The following TNNI2 variants were observed in gnomAD, a reference collection of about 807,000 sequenced individuals.
TNNI2 encodes the protein troponin I, fast skeletal muscle.
A neutral mutation model predicts 26.5 loss-of-function variants in TNNI2; 14 were observed. The ratio of observed to expected loss-of-function variants is 0.53; its 90% CI spans 0.35 to 0.83. TNNI2 has a LOEUF of 0.83. TNNI2 is among the 40% of genes least tolerant of loss of function. The probability of loss-of-function intolerance (pLI) is 0.01; values close to 1 mark genes in which losing one functional copy is unlikely to be tolerated. For synonymous variants in TNNI2, 126 were observed against 97.6 expected (o/e 1.29, Z -1.71); for missense variants, 205 against 248.5 (o/e 0.82, Z 1.18).
In TNNI2 at chr11:1,841,287, C is replaced by T. The variant is rs1847175386; in HGVS notation, c.453+80C>T. The T allele has an allele frequency of 2.5e-6, 4 of 1,578,320 alleles. No individual in the cohort carries two copies. In the Admixed American group the frequency reaches 5.3e-5, roughly 21 times the overall value. ...CACACCTGCCCCGCCTGGGGACCAC[C>T]TCCCACACCTGCCCTGCCGGGGGCC... On this transcript the variant is annotated intron_variant, in intron 7 of 7. Coordinates refer to ENST00000381911, the MANE Select transcript of TNNI2 (RefSeq NM_003282.4).
At position 1,839,859 on chromosome 11, in the gene TNNI2, A is replaced by C; in HGVS notation, c.15+4A>C. ...TCCCTCCCTGGACAGTGAGGAGGTA[A>C]GTAGTTGCTGGGGGCTCAAAACATG... On this transcript the variant is annotated splice_donor_region_variant and intron_variant, in intron 3 of 7. Coordinates refer to ENST00000381911, the MANE Select transcript of TNNI2 (RefSeq NM_003282.4). The C allele has an allele frequency of 6.2e-7, 1 of 1,613,764 alleles. No individual in the cohort carries two copies. The highest frequency in any genetic ancestry group is 8.5e-7 in the Non-Finnish European group (1 of 1,179,848).
At chr11:1,839,632 T>C in intron 1 of TNNI2, 43 bp from the exon 2 acceptor site, 1 of 1,611,054 alleles carries the variant, frequency 6.2e-7, no homozygotes, top group Non-Finnish European at 8.5e-7. Context: ...GGCATCACGG[T>C]GGCAAGGGCC....
Position 1,840,815 on chromosome 11 carries a change from CT to C in TNNI2, c.187-3del, listed in dbSNP as rs752108068. ...CGGCCGCCCGCCCCCACACCCACCC[CT>C]AGGAGCTCTGCAAACAGCTGCACGC... On this transcript the variant is annotated splice_polypyrimidine_tract_variant and splice_region_variant and intron_variant, in intron 5 of 7. Transcript: ENST00000381911. 1.2e-6 allele frequency: 2 copies of C among 1,611,460 alleles called. No individual in the cohort carries two copies. Among genetic ancestry groups the C allele is most frequent in the African/African-American group, 2.7e-5 (2 of 74,852 alleles).
intron 3 of TNNI2, 54 bp from the exon 4 acceptor site, chr11:1,840,349 G>C (rs935201134): frequency 3.8e-6 from 6 of 1,573,846 alleles, no homozygotes; most frequent in Non-Finnish European, 5.2e-6. Flanking sequence ...GAAGGGGGTG[G>C]GGGTGCTCCA....
rs369983436 is a variant in TNNI2 at position 1,840,517 on chromosome 11, C to T, written c.58-11C>T. 3.6e-5 allele frequency: 58 copies of T among 1,611,248 alleles called. 1 individual carries two copies. In the African/African-American group the frequency reaches 7.1e-4, roughly 20 times the overall value. On this transcript the variant is annotated splice_polypyrimidine_tract_variant and intron_variant, in intron 4 of 7. Coordinates refer to ENST00000381911, the MANE Select transcript of TNNI2 (RefSeq NM_003282.4). ...GCTGGCTGCAGCCCCTCACCGCCTG[C>T]CCCACCGCAGAGTGTGATGCTGCAG...
intron 1 of TNNI2, 43 bp from the exon 2 acceptor site, chr11:1,839,621 AGGCATCACGGT>A: frequency 1.2e-6 from 2 of 1,602,512 alleles, no homozygotes; most frequent in Non-Finnish European, 1.7e-6. Context: ...TGATGGGCAC[AGGCATCACGGT>A]GGCAAGGGCC....
At position 1,839,014 on chromosome 11, in the gene TNNI2, C is replaced by T. The variant is rs909000441; in HGVS notation, c.-42C>T. 6.6e-6 allele frequency: 1 copy of T among 152,620 alleles called. No homozygotes were observed. The highest frequency in any genetic ancestry group is 1.5e-5 in the Non-Finnish European group (1 of 68,274). 9.5% of individuals were successfully genotyped at this position (152,620 alleles called of 1,614,324 possible). ...GCTGCCGGCCTGACCTCGCTCCCAG[C>T]CCTGCTGCCCAGATTCTAGGTGAGG... On this transcript the variant is annotated 5_prime_UTR_variant, in exon 1 of 8. Coordinates refer to ENST00000381911, the MANE Select transcript of TNNI2 (RefSeq NM_003282.4).
chr11:1,841,334 G>T, intron 7 of TNNI2, 122 bp from the exon 8 acceptor site: 1 of 1,534,210 alleles, frequency 6.5e-7, no homozygotes, highest in South Asian at 1.1e-5. Flanking sequence ...CCCCTCCAGG[G>T]TGCCATGCAG....
intron 1 of TNNI2, chr11:1,839,377 C>A (rs1395301534): frequency 2.1e-6 from 1 of 480,590 alleles, no homozygotes; most frequent in South Asian, 2.8e-5. Context: ...TTAAAAATAA[C>A]AGCGTCACTC....
At chr11:1,840,795 G>A (rs375437540) in intron 5 of TNNI2, 24 bp from the exon 6 acceptor site, 486 of 1,603,522 alleles carry the variant, frequency 3.0e-4, no homozygotes, top group Non-Finnish European at 3.9e-4. Context: ...CAGGACGGCC[G>A]CCCGCCCCCA....
chr11:1,840,739 A>C, intron 5 of TNNI2, 80 bp from the exon 6 acceptor site: 1 of 1,607,800 alleles, frequency 6.2e-7, no homozygotes, highest in Non-Finnish European at 8.5e-7. Flanking sequence ...CAAGAGGGCC[A>C]GTGGGGTGGT....
At chr11:1,840,311 G>A (rs973375457) in intron 3 of TNNI2, 92 bp from the exon 4 acceptor site, 15 of 1,547,048 alleles carry the variant, frequency 9.7e-6, no homozygotes, top group African/African-American at 6.8e-5. Flanking sequence ...TCCCGGAGCC[G>A]GAGCCCCTGA....
intron 5 of TNNI2, 62 bp downstream of exon 5, chr11:1,840,718 TC>T (rs1847152096): frequency 1.2e-6 from 2 of 1,610,942 alleles, no homozygotes; most frequent in East Asian, 4.5e-5. Flanking sequence ...TAACTCAGTT[TC>T]CCCACTTGTC....
At position 1,840,386 on chromosome 11, in the gene TNNI2, T is replaced by C; in HGVS notation, c.16-17T>C. 1 of 1,606,166 alleles carries C rather than the reference T, an allele frequency of 6.2e-7. No individual in the cohort carries two copies. Among genetic ancestry groups the C allele is most frequent in the Non-Finnish European group, 8.5e-7 (1 of 1,177,356 alleles). On this transcript the variant is annotated splice_polypyrimidine_tract_variant and intron_variant, in intron 3 of 7. Transcript: ENST00000381911. ...GCCTGGAGGCCCTGACTCGACCCCCTGTCCCCTGCCCTGCAGAAGCGGAAC... is the reference window on the plus strand; with the variant it reads ...GCCTGGAGGCCCTGACTCGACCCCCCGTCCCCTGCCCTGCAGAAGCGGAAC...
intron 3 of TNNI2, 86 bp from the exon 4 acceptor site, chr11:1,840,317 C>T: frequency 6.5e-7 from 1 of 1,550,330 alleles, no homozygotes; most frequent in Non-Finnish European, 8.7e-7. Flanking sequence ...AGCCGGAGCC[C>T]CTGACCTGGC....
At chr11:1,840,466 G>T in intron 4 of TNNI2, 22 bp downstream of exon 4, 2 of 1,610,482 alleles carry the variant, frequency 1.2e-6, no homozygotes, top group East Asian at 2.2e-5. Context: ...CTCCCGGGGG[G>T]GTGGCCCAGG....
At position 1,839,791 on chromosome 11, in the gene TNNI2, A is replaced by G. The variant is rs1012112532; in HGVS notation, c.9-58A>G. ...ATCACACACTCCGACCCCGCCAGCC[A>G]TGGCCCTAACCTCTGTCTTCTCTCC... On this transcript the variant is annotated intron_variant, in intron 2 of 7. Coordinates refer to ENST00000381911, the MANE Select transcript of TNNI2 (RefSeq NM_003282.4). 3.2e-5 allele frequency: 52 copies of G among 1,612,316 alleles called. No individual in the cohort carries two copies. The African/African-American group carries it at 6.8e-4, about 21-fold the overall frequency.
rs1465328864 is a variant in TNNI2 at position 1,841,096 on chromosome 11, G to C, written c.342G>C (p.Arg114Ser). 6.2e-7 allele frequency: 1 copy of C among 1,613,196 alleles called. No homozygotes were observed. Among genetic ancestry groups the C allele is most frequent in the East Asian group, 2.2e-5 (1 of 44,878 alleles). Residue 114 changes from arginine (R) to serine (S), a missense_variant, in exon 7 of 8, where the codon AGG (arginine) becomes AGC (serine). By Grantham distance (110) the Arg-to-Ser change is moderately radical. Transcript: ENST00000381911. ...AGTTCAAGCGGCCCCCACTGCGGAGGGTGCGCATGTCGGCCGATGCCATGC... is the reference window on the plus strand; with the variant it reads ...AGTTCAAGCGGCCCCCACTGCGGAGCGTGCGCATGTCGGCCGATGCCATGC... ...RGKFKRPPLR[R>S]VRMSADAMLK...
chr11:1,841,186 C>A lies in TNNI2; in HGVS notation c.432C>A (p.Val144=). The change falls in exon 7 of 8, where the codon GTC becomes GTA. Residue 144 remains valine (V), a synonymous_variant. Coordinates refer to ENST00000381911, the MANE Select transcript of TNNI2 (RefSeq NM_003282.4). ...CMDLRANLKQ[V]KKEDTEKERD... ...ACCTGAGGGCCAACCTGAAGCAGGT[C>A]AAGAAGGAGGACACAGAGAAGGTGC... 1 of 1,612,930 alleles carries A rather than the reference C, an allele frequency of 6.2e-7. No homozygotes were observed. Among genetic ancestry groups the A allele is most frequent in the South Asian group, 1.1e-5 (1 of 91,056 alleles).
Sources: allele counts gnomAD v4.1 joint callset, GRCh38; gene constraint gnomAD v4.1.1; transcripts MANE v1.5; gene names NCBI Gene and HGNC (gene_info 2026-07-23, HGNC 2026-07-21).